The following RRM2B variants were observed in gnomAD, a reference collection of about 807,000 sequenced individuals.
The protein encoded by RRM2B is ribonucleoside-diphosphate reductase subunit M2 B.
In RRM2B, 20 loss-of-function variants were observed where a neutral mutation model predicts 45.9. The observed-to-expected ratio is 0.44, with a 90% CI of 0.31 to 0.63. RRM2B has a LOEUF of 0.63. RRM2B is among the 30% of genes least tolerant of loss of function. RRM2B has a pLI of 0.09. For missense variants in RRM2B, 320 were observed against 414.7 expected (o/e 0.77, Z 1.98); for synonymous variants, 124 against 132.3 (o/e 0.94, Z 0.43).
intron 6 of RRM2B, among the ~76,000 whole-genome samples, chr8:102,217,618 C>G (rs924335933): frequency 6.6e-6 from 1 of 151,884 alleles, no homozygotes; most frequent in Non-Finnish European, 1.5e-5. Flanking sequence ...ACATTGAGAA[C>G]AGAAAGATAA....
chr8:102,226,931 G>T (rs1810942630), intron 2 of RRM2B, among the ~76,000 whole-genome samples: 1 of 152,144 alleles, frequency 6.6e-6, no homozygotes, highest in South Asian at 2.1e-4. Flanking sequence ...GGCCAGGATG[G>T]TCTCAATCTC....
At chr8:102,218,698 C>G (rs964056638) in intron 6 of RRM2B, 116 bp downstream of exon 6, 4 of 866,122 alleles carry the variant, frequency 4.6e-6, no homozygotes, top group African/African-American at 1.7e-5. Context: ...TGTATGCCAG[C>G]CTGGGTGACA....
At position 102,215,214 on chromosome 8, in the gene RRM2B, A is replaced by G. The variant is rs563961394; in HGVS notation, c.685-1056T>C. 4.0e-5 allele frequency among the ~76,000 whole-genome samples: 6 copies of G among 151,842 alleles called. No homozygotes were observed. The South Asian group carries it at 1.3e-3, about 32-fold the overall frequency. On this transcript the variant is annotated intron_variant, in intron 6 of 8. Transcript: ENST00000251810. ...GATTCCTTGAGTTCAGGAATTCGAG[A>G]CCAGCCTGGGCAACCTGGCAAAACC...
intron 1 of RRM2B, among the ~76,000 whole-genome samples, chr8:102,233,673 T>C (rs1402982459): frequency 6.6e-6 from 1 of 152,232 alleles, no homozygotes; most frequent in Non-Finnish European, 1.5e-5. Context: ...TATAAGTACA[T>C]AGCTCACTGC....
At position 102,208,524 on chromosome 8, in the gene RRM2B, GA is replaced by G. The variant is rs200209308; in HGVS notation, c.904-240del. On this transcript the variant is annotated intron_variant, in intron 8 of 8. Transcript: ENST00000251810. ...AGCATCTCTGGTATTCTAATAAATAGAAAAAAAAACACAACTATTTCAGGAA... is the reference window on the plus strand; with the variant it reads ...AGCATCTCTGGTATTCTAATAAATAGAAAAAAAACACAACTATTTCAGGAA... Among the ~76,000 whole-genome samples, 8 of 148,624 alleles carry G rather than the reference GA, an allele frequency of 5.4e-5. No individual in the cohort carries two copies. In the East Asian group the frequency reaches 7.8e-4, roughly 15 times the overall value.
At chr8:102,208,524 G>C (rs1161947742) in intron 8 of RRM2B, among the ~76,000 whole-genome samples, 1 of 148,514 alleles carries the variant, frequency 6.7e-6, no homozygotes, top group Non-Finnish European at 1.5e-5. Flanking sequence ...CTAATAAATA[G>C]AAAAAAAAAC....
In RRM2B at chr8:102,206,829, C is replaced by T. The variant is rs1810551721; in HGVS notation, c.*1304G>A. On this transcript the variant is annotated 3_prime_UTR_variant, in exon 9 of 9. Coordinates refer to ENST00000251810, the MANE Select transcript of RRM2B (RefSeq NM_015713.5). ...CATCAGACTCTTCTAGAGAAACCTC[C>T]TTTTCCCTCACCATTGGCTATCATG... 6.6e-6 allele frequency: 1 copy of T among 152,150 alleles called. No homozygotes were observed. The highest frequency in any genetic ancestry group is 1.5e-5 in the Non-Finnish European group (1 of 68,006). The allele number at this position is 152,150 out of a possible 1,614,324, so 9.4% of individuals were successfully genotyped here. A position where few individuals can be genotyped will look rare whatever the true frequency, so the allele number is the denominator to read the frequency against.
chr8:102,226,542 G>A (rs904797668), intron 2 of RRM2B, among the ~76,000 whole-genome samples: 1 of 151,788 alleles, frequency 6.6e-6, no homozygotes, highest in East Asian at 1.9e-4. Context: ...AGTCAAGAAG[G>A]CACTGAAGTA....
intron 8 of RRM2B, among the ~76,000 whole-genome samples, chr8:102,210,066 A>C (rs908669732): frequency 6.6e-6 from 1 of 152,210 alleles, no homozygotes; most frequent in Non-Finnish European, 1.5e-5. Context: ...GGGGTGATAA[A>C]AATGTTCTAA....
Position 102,208,122 on chromosome 8 carries a change from CGA to C in RRM2B, c.*9_*10del. ...ATGACAAGTTTATAGAGTTTTAAAA[CGA>C]GAGGTTTTTTAAAAATCTGCATCCA... On this transcript the variant is annotated 3_prime_UTR_variant, in exon 9 of 9. Transcript: ENST00000251810. The C allele has an allele frequency of 6.2e-7, 1 of 1,607,728 alleles. No individual in the cohort carries two copies.
At position 102,214,766 on chromosome 8, in the gene RRM2B, AAAAT is replaced by A. The variant is rs28928604; in HGVS notation, c.685-612_685-609del. Among the ~76,000 whole-genome samples, 143 of 149,904 alleles carry A rather than the reference AAAAT, an allele frequency of 9.5e-4. 1 individual carries two copies. The highest frequency in any genetic ancestry group is 1.5e-3 in the Non-Finnish European group (99 of 67,442). On this transcript the variant is annotated intron_variant, in intron 6 of 8. Coordinates refer to ENST00000251810, the MANE Select transcript of RRM2B (RefSeq NM_015713.5). The stretch of plus-strand genomic sequence containing the variant: ...ACCCAATCTCTACAAAAAAAAATAA[AAAAT>A]AAATAAATAAATAAATAAATAGAAG...
At chr8:102,219,019 AT>A (rs1372437567) in intron 5 of RRM2B, 72 bp from the exon 6 acceptor site, 38 of 1,402,186 alleles carry the variant, frequency 2.7e-5, no homozygotes, top group Non-Finnish European at 3.7e-5. Context: ...ATACACATAT[AT>A]AACAATAAAT....
At chr8:102,228,928 T>C (rs1350538690) in intron 2 of RRM2B, among the ~76,000 whole-genome samples, 1 of 152,256 alleles carries the variant, frequency 6.6e-6, no homozygotes, top group Non-Finnish European at 1.5e-5. Flanking sequence ...AAATATGTAA[T>C]TGTCTTTGTC....
intron 1 of RRM2B, 83 bp from the exon 2 acceptor site, chr8:102,232,387 G>C (rs1454840835): frequency 1.4e-6 from 2 of 1,396,732 alleles, no homozygotes; most frequent in South Asian, 1.2e-5. Context: ...AAGGAAGTCA[G>C]GGAGACGGCA....
In RRM2B at chr8:102,212,859, G is replaced by C. The variant is rs1810659007; in HGVS notation, c.820C>G (p.Leu274Val). The change falls in exon 8 of 9, where the codon CTC (leucine) becomes GTC (valine). Residue 274 changes from leucine (L) to valine (V), a missense_variant. By Grantham distance (32) the Leu-to-Val change is conservative. Coordinates refer to ENST00000251810, the MANE Select transcript of RRM2B (RefSeq NM_015713.5). ...EFLTEALPVG[L>V]IGMNCILMKQ... Reference sequence around the variant, plus strand: ...ATCAAAATGCAATTCATTCCAATGAGGCCAACTGGCAAGGCTTCTGTTAAA... The same window carrying C: ...ATCAAAATGCAATTCATTCCAATGACGCCAACTGGCAAGGCTTCTGTTAAA... 1 of 1,608,036 alleles carries C rather than the reference G, an allele frequency of 6.2e-7. No homozygotes were observed. Among genetic ancestry groups the C allele is most frequent in the Non-Finnish European group, 8.5e-7 (1 of 1,174,884 alleles).
chr8:102,218,125 A>G (rs1810763396), intron 6 of RRM2B, among the ~76,000 whole-genome samples: 2 of 152,226 alleles, frequency 1.3e-5, no homozygotes, highest in South Asian at 4.1e-4. Context: ...ACTAGCATAC[A>G]TGGGTTTGGC....
intron 5 of RRM2B, among the ~76,000 whole-genome samples, chr8:102,222,142 C>T (rs1322644193): frequency 6.6e-6 from 1 of 151,104 alleles, no homozygotes; most frequent in East Asian, 1.9e-4. Flanking sequence ...CACAGTGGAT[C>T]ATAGCTCACT....
chr8:102,217,147 C>A (rs992249892), intron 6 of RRM2B, among the ~76,000 whole-genome samples: 1 of 151,954 alleles, frequency 6.6e-6, no homozygotes, highest in Non-Finnish European at 1.5e-5. Context: ...ATACATTTAA[C>A]AAAACTACTA....
chr8:102,235,802 G>GT (rs1196350686), intron 1 of RRM2B, among the ~76,000 whole-genome samples: 3 of 152,080 alleles, frequency 2.0e-5, no homozygotes, highest in Non-Finnish European at 2.9e-5. Context: ...TTGTGCCACT[G>GT]TATGTACTCC....
Sources: gnomAD v4.1 joint callset for allele counts (sites outside exome capture counted in the v4.1 genomes callset) on GRCh38, gnomAD v4.1.1 for gene constraint, MANE v1.5 for transcripts, NCBI Gene and HGNC (gene_info 2026-07-23, HGNC 2026-07-21) for gene names.